RIMS2: variants seen among roughly 807,000 people sequenced by gnomAD.
RIMS2 encodes regulating synaptic membrane exocytosis protein 2.
Under a neutral mutation model 174.4 loss-of-function variants are expected in RIMS2, and 59 were observed. The observed-to-expected ratio is 0.34, with a 90% CI of 0.27 to 0.42. The LOEUF is 0.42. Ranked by LOEUF, RIMS2 falls within the 10% of genes least tolerant of loss-of-function variation. RIMS2 has a pLI of 1.00. For synonymous variants in RIMS2, 606 were observed against 572.5 expected (o/e 1.06, Z -0.84); for missense variants, 1,620 against 1,666.3 (o/e 0.97, Z 0.48).
At chr8:104,174,101 C>T (rs528668002) in intron 19 of RIMS2, among the ~76,000 whole-genome samples, 1 of 151,974 alleles carries the variant, frequency 6.6e-6, no homozygotes, top group East Asian at 1.9e-4. Context: ...TGCCTGCCAC[C>T]ACGCCCAGCT....
At chr8:104,218,629 G>A (rs1199626930) in intron 19 of RIMS2, among the ~76,000 whole-genome samples, 1 of 152,170 alleles carries the variant, frequency 6.6e-6, no homozygotes, top group Non-Finnish European at 1.5e-5. Flanking sequence ...GTCCTATCTC[G>A]GGGTGATGGG....
chr8:103,983,484 C>T (rs2094090603), intron 16 of RIMS2, among the ~76,000 whole-genome samples: 1 of 152,174 alleles, frequency 6.6e-6, no homozygotes, highest in Non-Finnish European at 1.5e-5. Flanking sequence ...ATCACATTGC[C>T]TTTCTTCAAA....
intron 19 of RIMS2, among the ~76,000 whole-genome samples, chr8:104,136,494 C>T (rs911693171): frequency 1.3e-5 from 2 of 152,054 alleles, no homozygotes; most frequent in Non-Finnish European, 2.9e-5. Context: ...TAGTGCCAAC[C>T]ATAATATTTG....
chr8:103,785,728 T>C (rs1450827443), intron 3 of RIMS2, among the ~76,000 whole-genome samples: 1 of 152,240 alleles, frequency 6.6e-6, no homozygotes, highest in Non-Finnish European at 1.5e-5. Flanking sequence ...GGTCTAAAAA[T>C]CTCTTTGTTT....
At chr8:103,832,107 T>C (rs902636509) in intron 3 of RIMS2, among the ~76,000 whole-genome samples, 1 of 152,206 alleles carries the variant, frequency 6.6e-6, no homozygotes, top group Admixed American at 6.5e-5. Context: ...CAAATACTGT[T>C]TCTCTAGTGT....
chr8:103,934,711 T>C (rs1422360354), intron 12 of RIMS2, among the ~76,000 whole-genome samples: 1 of 151,890 alleles, frequency 6.6e-6, no homozygotes, highest in African/African-American at 2.4e-5. Flanking sequence ...TTTTTTTTTT[T>C]TTTGAGACAG....
At chr8:104,005,882 T>C (rs2095557469) in intron 17 of RIMS2, among the ~76,000 whole-genome samples, 1 of 151,580 alleles carries the variant, frequency 6.6e-6, no homozygotes, top group Non-Finnish European at 1.5e-5. Context: ...GCTAGTGGAG[T>C]CATGGTAAAG....
rs549534053 is a variant in RIMS2 at position 103,671,637 on chromosome 8, A to G, written c.177-25449A>G. ...CTTGTAAAGAGCTGTTTTAAAATGC[A>G]TCAGAATTAAGCAGTTAACTGTGGA... On this transcript the variant is annotated intron_variant, in intron 1 of 23. Transcript: ENST00000504942. Among the ~76,000 whole-genome samples, 18 of 152,338 alleles carry G rather than the reference A, an allele frequency of 1.2e-4. No individual in the cohort carries two copies. The South Asian group carries it at 2.7e-3, about 23-fold the overall frequency.
chr8:103,859,492 C>G (rs1284119543), intron 3 of RIMS2, among the ~76,000 whole-genome samples: 3 of 152,102 alleles, frequency 2.0e-5, no homozygotes, highest in Non-Finnish European at 4.4e-5. Flanking sequence ...ATTCCCTGGT[C>G]AGCCATCTAC....
In RIMS2 at chr8:104,071,048, T is replaced by G. The variant is rs557630963; in HGVS notation, c.3334+56433T>G. ...AGGGAAACTTGATCAGTTATATGAT[T>G]TACATTGCTCATACAATAAAGACAA... On this transcript the variant is annotated intron_variant, in intron 19 of 23. Transcript: ENST00000504942. Among the ~76,000 whole-genome samples, 5 of 152,244 alleles carry G rather than the reference T, an allele frequency of 3.3e-5. No homozygotes were observed. In the East Asian group the frequency reaches 9.7e-4, roughly 29 times the overall value.
intron 3 of RIMS2, among the ~76,000 whole-genome samples, chr8:103,767,655 G>C (rs1235617037): frequency 6.6e-6 from 1 of 152,148 alleles, no homozygotes; most frequent in Admixed American, 6.5e-5. Context: ...AGGTTCTTGG[G>C]TATCAGTTCT....
intron 19 of RIMS2, among the ~76,000 whole-genome samples, chr8:104,061,116 G>A (rs2096978317): frequency 6.6e-6 from 1 of 152,106 alleles, no homozygotes; most frequent in South Asian, 2.1e-4. Flanking sequence ...TTCAATTCCT[G>A]GATATCCTTG....
chr8:104,045,799 G>T (rs1217198929), intron 19 of RIMS2, among the ~76,000 whole-genome samples: 1 of 151,798 alleles, frequency 6.6e-6, no homozygotes, highest in Non-Finnish European at 1.5e-5. Flanking sequence ...ATTTCAGACT[G>T]ATCCATTTGT....
intron 14 of RIMS2, among the ~76,000 whole-genome samples, chr8:103,945,368 A>G (rs1169242448): frequency 1.3e-5 from 2 of 152,146 alleles, no homozygotes; most frequent in Non-Finnish European, 2.9e-5. Context: ...TAAACCTAAG[A>G]AAAGAAACAC....
rs936200973 is a variant in RIMS2, at chr8:104,116,543, G to A, written c.3334+101928G>A. ...CTGTTCTGAAATGGTTTTAATAAAA[G>A]CAACTCTTTAAAATGCAAAATTATA... On this transcript the variant is annotated intron_variant, in intron 19 of 23. Transcript: ENST00000504942. Among the ~76,000 whole-genome samples, 18 of 152,134 alleles carry A rather than the reference G, an allele frequency of 1.2e-4. No homozygotes were observed. The East Asian group carries it at 1.4e-3, about 11-fold the overall frequency.
chr8:103,813,415 T>G (rs1219099114), intron 3 of RIMS2, among the ~76,000 whole-genome samples: 1 of 152,024 alleles, frequency 6.6e-6, no homozygotes, highest in Admixed American at 6.6e-5. Flanking sequence ...TTTCTTTCTT[T>G]ATTATACTTT....
chr8:104,006,366 C>T (rs1184630203), intron 17 of RIMS2, among the ~76,000 whole-genome samples: 3 of 152,014 alleles, frequency 2.0e-5, no homozygotes, highest in African/African-American at 7.2e-5. Flanking sequence ...GCCTGACCAA[C>T]ATGGAGAAAC....
chr8:103,677,451 A>G (rs943727297), intron 1 of RIMS2, among the ~76,000 whole-genome samples: 2 of 152,154 alleles, frequency 1.3e-5, no homozygotes, highest in African/African-American at 2.4e-5. Flanking sequence ...AGTTTCTGTC[A>G]TAACTTCTGA....
intron 19 of RIMS2, among the ~76,000 whole-genome samples, chr8:104,178,531 A>T (rs1415451953): frequency 6.6e-6 from 1 of 152,084 alleles, no homozygotes; most frequent in Non-Finnish European, 1.5e-5. Context: ...GCCCACAGGG[A>T]TAATCTAGGA....
Sources: gnomAD v4.1 joint callset for allele counts (sites outside exome capture counted in the v4.1 genomes callset) on GRCh38, gnomAD v4.1.1 for gene constraint, MANE v1.5 for transcripts, NCBI Gene and HGNC (gene_info 2026-07-23, HGNC 2026-07-21) for gene names.